NIBAN1: variants seen among roughly 807,000 people sequenced by gnomAD.
NIBAN1 encodes protein Niban 1.
In NIBAN1, 81 loss-of-function variants were observed where a neutral mutation model predicts 75.1. That is an observed-to-expected ratio of 1.08 (90% CI 0.90 to 1.30). The LOEUF (loss-of-function observed/expected upper bound fraction) is 1.30, where lower values mean the gene tolerates loss of function less well. NIBAN1 is among the 50% of genes most tolerant of loss of function. NIBAN1 has a pLI of 0.00. For missense variants in NIBAN1, 1,133 were observed against 1,128.1 expected (o/e 1.00, Z -0.06); for synonymous variants, 436 against 424.8 (o/e 1.03, Z -0.32).
chr1:184,795,915 C>T lies in NIBAN1; in HGVS notation c.1849G>A (p.Glu617Lys), dbSNP rs761513716. ...TCTTCCTCTGACTCCTGGAATACTT[C>T]GTTACTGAGGGTCTCACTACCCAGA... The part of the protein sequence containing the change: ...GVLGSETLSN[E>K]VFQESEEEKQ... Residue 617 changes from glutamate to lysine, a missense_variant, in exon 14 of 14, where the codon GAA becomes AAA. Physicochemically the swap from Glu to Lys is moderately conservative, Grantham distance 56. Coordinates refer to ENST00000367511, the MANE Select transcript of NIBAN1 (RefSeq NM_052966.4). The T allele has an allele frequency of 1.2e-5, 20 of 1,613,982 alleles. No individual in the cohort carries two copies. Among genetic ancestry groups the T allele is most frequent in the African/African-American group, 6.7e-5 (5 of 74,912 alleles).
At chr1:184,838,271 A>G (rs1317667022) in intron 5 of NIBAN1, among the ~76,000 whole-genome samples, 1 of 152,200 alleles carries the variant, frequency 6.6e-6, no homozygotes, top group Non-Finnish European at 1.5e-5. Context: ...AGAGCCCCGA[A>G]CCTGCTGAAA....
At chr1:184,912,617 C>A (rs1038020995) in intron 1 of NIBAN1, among the ~76,000 whole-genome samples, 1 of 152,118 alleles carries the variant, frequency 6.6e-6, no homozygotes, top group South Asian at 2.1e-4. Context: ...CTGGCCATTG[C>A]GGTTTCTTAT....
intron 5 of NIBAN1, among the ~76,000 whole-genome samples, chr1:184,845,223 A>G (rs987305814): frequency 2.0e-5 from 3 of 152,072 alleles, no homozygotes; most frequent in African/African-American, 4.8e-5. Context: ...ACAGAGCTTT[A>G]CACTTAGGGT....
At chr1:184,823,366 C>T in intron 7 of NIBAN1, 37 bp from the exon 8 acceptor site, 1 of 1,608,468 alleles carries the variant, frequency 6.2e-7, no homozygotes, top group Non-Finnish European at 8.5e-7. Context: ...AGGGCTCTGT[C>T]ACGTGTAAGC....
At chr1:184,878,220 C>G (rs1195084644) in intron 5 of NIBAN1, among the ~76,000 whole-genome samples, 1 of 152,170 alleles carries the variant, frequency 6.6e-6, no homozygotes, top group African/African-American at 2.4e-5. Context: ...TAATAGAGAG[C>G]AGTTCTGTTT....
At chr1:184,853,800 C>A (rs1655605715) in intron 5 of NIBAN1, among the ~76,000 whole-genome samples, 1 of 152,112 alleles carries the variant, frequency 6.6e-6, no homozygotes, top group Non-Finnish European at 1.5e-5. Context: ...AGAAAGTAAT[C>A]AATACTTTGT....
chr1:184,895,460 C>T (rs566737899), intron 2 of NIBAN1, among the ~76,000 whole-genome samples: 1 of 152,212 alleles, frequency 6.6e-6, no homozygotes, highest in East Asian at 1.9e-4. Flanking sequence ...AAAGCAATCA[C>T]TTATCCCTAT....
chr1:184,805,672 C>T (rs966410254), intron 11 of NIBAN1, among the ~76,000 whole-genome samples: 1 of 152,118 alleles, frequency 6.6e-6, no homozygotes, highest in Non-Finnish European at 1.5e-5. Context: ...ACAGCTAATA[C>T]GTGTTTGTCG....
chr1:184,795,568 T>G lies in NIBAN1; in HGVS notation c.2196A>C (p.Glu732Asp), dbSNP rs778344193. Residue 732 changes from glutamate to aspartate, a missense_variant, in exon 14 of 14, where the codon GAA becomes GAC. By Grantham distance (45) the Glu-to-Asp change is conservative (BLOSUM62 2). Coordinates refer to ENST00000367511, the MANE Select transcript of NIBAN1 (RefSeq NM_052966.4). ...VPVDSAPVME[E>D]DTNGESHVPQ... is the part of the protein sequence containing the mutation. ...GAACGTGGCTCTCCCCATTCGTATC[T>G]TCTTCCATCACTGGAGCAGAGTCCA... 70 of 1,614,080 alleles carry G rather than the reference T, an allele frequency of 4.3e-5. No homozygotes were observed. Among genetic ancestry groups the G allele is most frequent in the Admixed American group, 6.7e-5 (4 of 60,008 alleles).
chr1:184,915,114 T>G (rs1657350825), intron 1 of NIBAN1, among the ~76,000 whole-genome samples: 1 of 152,194 alleles, frequency 6.6e-6, no homozygotes, highest in Non-Finnish European at 1.5e-5. Context: ...CATCTTAAAA[T>G]AGGGATAAAA....
intron 1 of NIBAN1, among the ~76,000 whole-genome samples, chr1:184,902,667 C>T (rs1474516787): frequency 6.6e-6 from 1 of 152,180 alleles, no homozygotes; most frequent in Non-Finnish European, 1.5e-5. Context: ...AGGCTCCAAA[C>T]AAATACAACC....
At chr1:184,899,807 CTTT>C (rs66802117) in intron 1 of NIBAN1, among the ~76,000 whole-genome samples, 3 of 100,330 alleles carry the variant, frequency 3.0e-5, no homozygotes, top group East Asian at 6.3e-4. Context: ...ACATCACTCT[CTTT>C]TTTTTTTTTT....
At chr1:184,857,239 C>T (rs748404751) in intron 5 of NIBAN1, among the ~76,000 whole-genome samples, 11 of 152,150 alleles carry the variant, frequency 7.2e-5, no homozygotes, top group Non-Finnish European at 1.2e-4. Flanking sequence ...TAAGGCAAGA[C>T]ACCATGAACA....
intron 4 of NIBAN1, chr1:184,888,313 CAG>C (rs1303859784): frequency 6.6e-6 from 1 of 152,186 alleles, no homozygotes; most frequent in African/African-American, 2.4e-5. Flanking sequence ...AATAATATCA[CAG>C]AGTCAGTCTT....
intron 11 of NIBAN1, 64 bp from the exon 12 acceptor site, chr1:184,803,756 A>G: frequency 1.4e-6 from 2 of 1,442,822 alleles, no homozygotes; most frequent in Admixed American, 3.4e-5. Flanking sequence ...GTTTACTCAA[A>G]AAACTCAGCC....
intron 5 of NIBAN1, among the ~76,000 whole-genome samples, chr1:184,840,549 C>T (rs1267254902): frequency 6.6e-6 from 1 of 151,974 alleles, no homozygotes; most frequent in Non-Finnish European, 1.5e-5. Context: ...TTTTTGGCTG[C>T]AGAGAAAAAT....
At chr1:184,798,227 G>C in intron 12 of NIBAN1, 37 bp from the exon 13 acceptor site, 2 of 1,325,500 alleles carry the variant, frequency 1.5e-6, no homozygotes, top group South Asian at 1.3e-5. Context: ...AGATGAAAAG[G>C]CATGAGATGC....
At chr1:184,851,683 C>T (rs1047023515) in intron 5 of NIBAN1, among the ~76,000 whole-genome samples, 1 of 150,582 alleles carries the variant, frequency 6.6e-6, no homozygotes, top group African/African-American at 2.4e-5. Context: ...TTATACATTA[C>T]ATATATATCC....
intron 6 of NIBAN1, among the ~76,000 whole-genome samples, chr1:184,826,936 T>G (rs112676762): frequency 9.9e-5 from 15 of 152,276 alleles, no homozygotes; most frequent in African/African-American, 3.4e-4. Context: ...TCCCATGTGT[T>G]GTGTGGGGGA....
Sources: allele counts gnomAD v4.1 joint callset (sites outside exome capture counted in the v4.1 genomes callset), GRCh38; gene constraint gnomAD v4.1.1; transcripts MANE v1.5; gene names NCBI Gene and HGNC (gene_info 2026-07-23, HGNC 2026-07-21).